Variants in FMR1NB observed in about 807,000 individuals in gnomAD.
FMR1NB encodes the protein FMR1 neighbor protein.
A neutral mutation model predicts 16.8 loss-of-function variants in FMR1NB; 10 were observed. The observed-to-expected ratio is 0.60, with a 90% confidence interval of 0.37 to 1.01. FMR1NB has a LOEUF of 1.01. Ranked by LOEUF, FMR1NB falls within the 50% of genes least tolerant of loss-of-function variation. FMR1NB has a pLI of 0.01. For synonymous variants in FMR1NB, 83 were observed against 79.1 expected, an observed-to-expected ratio of 1.05 and a Z score of -0.26; for missense variants, 205 against 204.8, an observed-to-expected ratio of 1.00 and a Z score of 0.00.
chrX:148,008,819 C>A, intron 4 of FMR1NB, 108 bp downstream of exon 4: 2 of 670,819 alleles, frequency 3.0e-6, no homozygotes, highest in Non-Finnish European at 4.4e-6. Flanking sequence ...TGTTTGGGTT[C>A]TTTATGTTGA....
At chrX:148,006,065 A>G (rs1356458426) in intron 2 of FMR1NB, among the ~76,000 whole-genome samples, 3 of 111,986 alleles carry the variant, frequency 2.7e-5, no homozygotes, top group Non-Finnish European at 5.6e-5. Context: ...AAAATAAGCT[A>G]TTTGAGCTTG....
intron 4 of FMR1NB, among the ~76,000 whole-genome samples, chrX:148,024,365 C>T (rs782026329): frequency 9.0e-6 from 1 of 111,694 alleles, no homozygotes; most frequent in Non-Finnish European, 1.9e-5. Context: ...TCTCAAGTGC[C>T]CCTTTACCAA....
intron 1 of FMR1NB, among the ~76,000 whole-genome samples, chrX:147,997,822 A>C (rs954222848): frequency 2.1e-4 from 24 of 112,036 alleles, no homozygotes; most frequent in African/African-American, 4.3e-4. Context: ...TCAAAAGAAG[A>C]CATTTATGAG....
At chrX:147,997,932 A>G (rs782530807) in intron 1 of FMR1NB, among the ~76,000 whole-genome samples, 29 of 112,761 alleles carry the variant, frequency 2.6e-4, no homozygotes, top group African/African-American at 8.4e-4. Context: ...TAGAATGGCA[A>G]TCATTAAAAT....
At chrX:147,988,300 T>C (rs1420439182) in intron 1 of FMR1NB, among the ~76,000 whole-genome samples, 1 of 108,876 alleles carries the variant, frequency 9.2e-6, no homozygotes, top group Non-Finnish European at 1.9e-5. Flanking sequence ...AATTCTGGGT[T>C]GAAAATTCTT....
At chrX:147,991,120 TC>T (rs1380510084) in intron 1 of FMR1NB, among the ~76,000 whole-genome samples, 1 of 111,134 alleles carries the variant, frequency 9.0e-6, no homozygotes, top group East Asian at 2.8e-4. Context: ...TCTAAAGGCT[TC>T]CTACCACACT....
Position 148,002,964 on chromosome X carries a change from A to G in FMR1NB, c.278-237A>G, listed in dbSNP as rs782787423. Reference sequence around the variant, plus strand: ...AGTTTACTATTGTAAATCAGCTTACAACAATGGCATGTGTCAGCCTATAGC... The same window carrying G: ...AGTTTACTATTGTAAATCAGCTTACGACAATGGCATGTGTCAGCCTATAGC... On this transcript the variant is annotated intron_variant, in intron 1 of 5. Transcript: ENST00000370467. Among the ~76,000 whole-genome samples the G allele has an allele frequency of 8.0e-5, 9 of 112,521 alleles. No individual in the cohort carries two copies. In the South Asian group the frequency reaches 2.9e-3, roughly 37 times the overall value.
rs182871794 is a variant in FMR1NB at position 147,999,931 on chromosome X, C to T, written c.278-3270C>T. 4.0e-3 allele frequency among the ~76,000 whole-genome samples: 450 copies of T among 111,666 alleles called. 7 individuals carry two copies. The highest frequency in any genetic ancestry group is 0.014 in the African/African-American group (421 of 30,794). On this transcript the variant is annotated intron_variant, in intron 1 of 5. Coordinates refer to ENST00000370467, the MANE Select transcript of FMR1NB (RefSeq NM_152578.3). The stretch of plus-strand genomic sequence containing the variant: ...TAGTTTTAGAAATTTAAGTAGAAAT[C>T]GTCAAAACCACAATCATGGTGAGAT...
In FMR1NB at chrX:148,014,088, G is replaced by A. The variant is rs782345367; in HGVS notation, c.632+5377G>A. Among the ~76,000 whole-genome samples the A allele has an allele frequency of 3.6e-5, 4 of 111,139 alleles. No individual in the cohort carries two copies. In the South Asian group the frequency reaches 1.5e-3, roughly 43 times the overall value. On this transcript the variant is annotated intron_variant, in intron 4 of 5. Transcript: ENST00000370467. ...GTGGCTTCAGGAGAGGAGCAAAAGG[G>A]AACTAAGGGTAGCATCTAAAGAGCG...
At chrX:147,994,183 C>G (rs1236324178) in intron 1 of FMR1NB, among the ~76,000 whole-genome samples, 2 of 111,301 alleles carry the variant, frequency 1.8e-5, no homozygotes, top group African/African-American at 6.5e-5. Flanking sequence ...GCTTCTTTCT[C>G]CCTGCTCTCC....
At chrX:148,004,320 T>G (rs1557188885) in intron 2 of FMR1NB, among the ~76,000 whole-genome samples, 1 of 112,205 alleles carries the variant, frequency 8.9e-6, no homozygotes, top group East Asian at 2.8e-4. Context: ...ATGTAAACAG[T>G]CACATACTTA....
At chrX:147,982,311 G>C (rs1404301524) in intron 1 of FMR1NB, among the ~76,000 whole-genome samples, 2 of 21 alleles carry the variant, frequency 0.095, no homozygotes, top group East Asian at 0.5. Context: ...AAAAAGGACT[G>C]GGCGCAGTGC....
intron 1 of FMR1NB, among the ~76,000 whole-genome samples, chrX:147,984,938 A>G (rs781934402): frequency 1.4e-3 from 160 of 112,038 alleles, no homozygotes; most frequent in Middle Eastern, 4.6e-3. Context: ...GCATCAATTG[A>G]GATATGAAAT....
At chrX:147,983,032 C>T (rs2044459030) in intron 1 of FMR1NB, among the ~76,000 whole-genome samples, 1 of 112,320 alleles carries the variant, frequency 8.9e-6, no homozygotes, top group Non-Finnish European at 1.9e-5. Context: ...TTAACCACCC[C>T]AAATTAAAAC....
chrX:147,982,358 C>G (rs888991160), intron 1 of FMR1NB, among the ~76,000 whole-genome samples: 2 of 107,984 alleles, frequency 1.9e-5, no homozygotes, highest in East Asian at 5.8e-4. Flanking sequence ...GAGGCCGAGG[C>G]GGGCGGATTG....
chrX:148,006,218 A>G (rs1001124403), intron 2 of FMR1NB, among the ~76,000 whole-genome samples: 2 of 112,038 alleles, frequency 1.8e-5, no homozygotes, highest in Non-Finnish European at 3.8e-5. Flanking sequence ...TATAGTGCCA[A>G]TATGATAAGT....
At chrX:147,997,425 A>G (rs1158854777) in intron 1 of FMR1NB, among the ~76,000 whole-genome samples, 2 of 112,069 alleles carry the variant, frequency 1.8e-5, no homozygotes, top group Non-Finnish European at 3.8e-5. Context: ...CAGAAATTGG[A>G]CCCCTTCCTT....
intron 3 of FMR1NB, among the ~76,000 whole-genome samples, chrX:148,007,286 T>G (rs2044601616): frequency 9.0e-6 from 1 of 111,656 alleles, no homozygotes; most frequent in South Asian, 3.7e-4. Context: ...TATTAGTTTT[T>G]CTTTATTGGG....
At chrX:148,017,590 AC>A (rs1245095149) in intron 4 of FMR1NB, among the ~76,000 whole-genome samples, 1 of 107,311 alleles carries the variant, frequency 9.3e-6, no homozygotes, top group African/African-American at 3.4e-5. Context: ...GTTTTAGGGT[AC>A]ATGTGCACAA....
Sources: gnomAD v4.1 joint callset for allele counts (sites outside exome capture counted in the v4.1 genomes callset) on GRCh38, gnomAD v4.1.1 for gene constraint, MANE v1.5 for transcripts, NCBI Gene and HGNC (gene_info 2026-07-23, HGNC 2026-07-21) for gene names.